Variants in NHS observed in about 807,000 individuals in gnomAD.
NHS encodes actin remodeling regulator NHS.
A neutral mutation model predicts 72.5 loss-of-function variants in NHS; 5 were observed. That is an observed-to-expected ratio of 0.07 (90% CI 0.04 to 0.14). The LOEUF is 0.14. NHS is among the 10% of genes least tolerant of loss of function. NHS has a pLI of 1.00. For missense variants in NHS, 1,072 were observed against 1,355.7 expected (o/e 0.79, Z 3.29); for synonymous variants, 464 against 547.7 (o/e 0.85, Z 2.13).
At chrX:17,519,520 G>GTCATCATCAT (rs2065137263) in intron 1 of NHS, among the ~76,000 whole-genome samples, 1 of 112,169 alleles carries the variant, frequency 8.9e-6, no homozygotes, top group East Asian at 2.8e-4. Context: ...TCTTCCCAGG[G>GTCATCATCAT]CCTTACACAA....
At chrX:17,730,820 A>C (rs1412509910) in intron 8 of NHS, among the ~76,000 whole-genome samples, 1 of 112,083 alleles carries the variant, frequency 8.9e-6, no homozygotes, top group Non-Finnish European at 1.9e-5. Flanking sequence ...AAGCTTTAAG[A>C]GCTCCAGAGA....
chrX:17,409,843 C>T (rs1193016977), intron 1 of NHS, among the ~76,000 whole-genome samples: 3 of 111,881 alleles, frequency 2.7e-5, no homozygotes, highest in Admixed American at 9.5e-5. Flanking sequence ...TTTCCTTTGG[C>T]AAATGGCACT....
rs893150807 is a variant in NHS at position 17,578,665 on chromosome X, T to A, written c.566-109077T>A. ...CAAGAAGTAAGGCTGGACTGTTTTC[T>A]CACATATGGCAGAAATTCAATTGGT... On this transcript the variant is annotated intron_variant, in intron 1 of 8. Coordinates refer to ENST00000676302, the MANE Select transcript of NHS (RefSeq NM_001291867.2). 1.3e-4 allele frequency among the ~76,000 whole-genome samples: 15 copies of A among 112,331 alleles called. No individual in the cohort carries two copies. The Admixed American group carries it at 1.4e-3, about 11-fold the overall frequency.
chrX:17,551,128 T>G (rs938790878), intron 1 of NHS, among the ~76,000 whole-genome samples: 5 of 111,860 alleles, frequency 4.5e-5, no homozygotes, highest in Non-Finnish European at 9.4e-5. Context: ...CTCACTTAAT[T>G]TTTCTCCATA....
chrX:17,447,272 CT>C (rs1174615672), intron 1 of NHS, among the ~76,000 whole-genome samples: 1 of 112,319 alleles, frequency 8.9e-6, no homozygotes, highest in African/African-American at 3.2e-5. Context: ...TCTTTCCCAT[CT>C]GCCCCAAAAT....
chrX:17,524,362 A>T (rs1039695404), intron 1 of NHS, among the ~76,000 whole-genome samples: 1 of 112,001 alleles, frequency 8.9e-6, no homozygotes, highest in East Asian at 2.8e-4. Context: ...CAGCTATCAA[A>T]TTTAGAAAAT....
At chrX:17,466,915 A>G (rs1212131741) in intron 1 of NHS, among the ~76,000 whole-genome samples, 4 of 112,121 alleles carry the variant, frequency 3.6e-5, no homozygotes, top group South Asian at 7.5e-4. Flanking sequence ...GAAAACAGTC[A>G]TGCATAAGCT....
rs779820202 is a variant in NHS, at chrX:17,661,109, G to A, written c.566-26633G>A. ...CCAAAGAGAAGGGGAACAGAAGTGT[G>A]TGACTTCTGCTCTCTTGCCGCTGCC... On this transcript the variant is annotated intron_variant, in intron 1 of 8. Coordinates refer to ENST00000676302, the MANE Select transcript of NHS (RefSeq NM_001291867.2). 3.6e-5 allele frequency among the ~76,000 whole-genome samples: 4 copies of A among 111,798 alleles called. No individual in the cohort carries two copies. The South Asian group carries it at 1.5e-3, about 42-fold the overall frequency.
At chrX:17,471,394 C>A (rs1020408370) in intron 1 of NHS, among the ~76,000 whole-genome samples, 23 of 112,514 alleles carry the variant, frequency 2.0e-4, no homozygotes, top group African/African-American at 7.1e-4. Context: ...TAAATCTCTC[C>A]TTTGCCAAGC....
chrX:17,502,010 T>C (rs761133634), intron 1 of NHS, among the ~76,000 whole-genome samples: 1 of 112,070 alleles, frequency 8.9e-6, no homozygotes, highest in South Asian at 3.8e-4. Context: ...GGAGAGTCCA[T>C]TGAACTCAGT....
chrX:17,730,917 T>G (rs987599950), intron 8 of NHS, among the ~76,000 whole-genome samples: 1 of 111,742 alleles, frequency 8.9e-6, no homozygotes, highest in African/African-American at 3.3e-5. Context: ...GAAATGATAC[T>G]TGCAGCCCAA....
chrX:17,482,076 C>CTT (rs1362646745), intron 1 of NHS, among the ~76,000 whole-genome samples: 8 of 112,048 alleles, frequency 7.1e-5, no homozygotes, highest in Non-Finnish European at 3.8e-5. Flanking sequence ...GGGCAAGTAG[C>CTT]TTTACTTCAG....
intron 1 of NHS, among the ~76,000 whole-genome samples, chrX:17,385,795 C>A (rs915554286): frequency 8.0e-5 from 9 of 112,129 alleles, no homozygotes; most frequent in Non-Finnish European, 1.5e-4. Flanking sequence ...AGAATGGTTT[C>A]TTAAAAGTGT....
chrX:17,526,414 G>T (rs192849608), intron 1 of NHS, among the ~76,000 whole-genome samples: 62 of 112,424 alleles, frequency 5.5e-4, no homozygotes, highest in Admixed American at 5.1e-3. Context: ...TTGTTCATAT[G>T]GTGATCACGG....
At chrX:17,398,111 T>C (rs2064485271) in intron 1 of NHS, among the ~76,000 whole-genome samples, 1 of 112,017 alleles carries the variant, frequency 8.9e-6, no homozygotes, top group Non-Finnish European at 1.9e-5. Context: ...GAAGATAATG[T>C]TTTCCAGACT....
At chrX:17,536,350 G>A (rs1041325879) in intron 1 of NHS, among the ~76,000 whole-genome samples, 7 of 111,965 alleles carry the variant, frequency 6.3e-5, no homozygotes, top group South Asian at 3.7e-4. Flanking sequence ...GCGAGACTCC[G>A]TCTCAAAAAA....
chrX:17,463,954 AC>A (rs2064860199), intron 1 of NHS, among the ~76,000 whole-genome samples: 1 of 112,118 alleles, frequency 8.9e-6, no homozygotes, highest in Admixed American at 9.4e-5. Context: ...GTGGGGCAGA[AC>A]CCTCTGGAAT....
At chrX:17,669,662 G>A (rs904077601) in intron 1 of NHS, among the ~76,000 whole-genome samples, 1 of 112,106 alleles carries the variant, frequency 8.9e-6, no homozygotes, top group Non-Finnish European at 1.9e-5. Flanking sequence ...AAATGTGAAC[G>A]GGACAAAGGA....
At chrX:17,483,898 C>T (rs190061982) in intron 1 of NHS, among the ~76,000 whole-genome samples, 2 of 111,425 alleles carry the variant, frequency 1.8e-5, no homozygotes, top group Non-Finnish European at 3.8e-5. Flanking sequence ...AAAGCAAGCT[C>T]CTTTCTTCTT....
Sources: allele counts gnomAD v4.1 joint callset (sites outside exome capture counted in the v4.1 genomes callset), GRCh38; gene constraint gnomAD v4.1.1; transcripts MANE v1.5; gene names NCBI Gene and HGNC (gene_info 2026-07-23, HGNC 2026-07-21).